Variants in DHX57 observed in about 807,000 individuals in gnomAD.
DHX57 encodes DExH-box helicase 57.
A neutral mutation model predicts 156.2 loss-of-function variants in DHX57; 105 were observed. The observed-to-expected ratio is 0.67, with a 90% CI of 0.57 to 0.79. The LOEUF is 0.79. Ranked by LOEUF, DHX57 falls within the 30% of genes least tolerant of loss-of-function variation. DHX57 has a pLI of 0.00. For synonymous variants in DHX57, 704 were observed against 595.6 expected (o/e 1.18, Z -2.65); for missense variants, 1,847 against 1,661.9 (o/e 1.11, Z -1.94).
chr2:38,842,399 A>C (rs1672054013), intron 12 of DHX57, among the ~76,000 whole-genome samples: 1 of 152,220 alleles, frequency 6.6e-6, no homozygotes, highest in Non-Finnish European at 1.5e-5. Context: ...ATAATTGTTC[A>C]AGCCTGAGTA....
At chr2:38,832,242 C>G (rs1023575845) in intron 13 of DHX57, among the ~76,000 whole-genome samples, 3 of 151,994 alleles carry the variant, frequency 2.0e-5, no homozygotes, top group Non-Finnish European at 4.4e-5. Flanking sequence ...GAATTCAATA[C>G]CAGCTTGGCC....
intron 2 of DHX57, 132 bp from the exon 3 acceptor site, chr2:38,863,651 G>T: frequency 1.2e-6 from 1 of 814,974 alleles, no homozygotes. Flanking sequence ...CAATGAATGT[G>T]AGGAGATTCT....
In DHX57 at chr2:38,861,598, A is replaced by C; in HGVS notation, c.812T>G (p.Val271Gly). ...CTCCAGTTCTAACCCAATGGTCCAG[A>C]CTCTGTTCTGAATTCTTTCTATAAA... Reference protein sequence around the residue: ...EKFIERIQNRVWTIGLELEYL... With the variant: ...EKFIERIQNRGWTIGLELEYL... The change falls in exon 5 of 24, where the codon GTC (valine) becomes GGC (glycine). Residue 271 changes from valine (V) to glycine (G), a missense_variant. Val to Gly is a moderately radical substitution (Grantham distance 109). Coordinates refer to ENST00000457308, the MANE Select transcript of DHX57 (RefSeq NM_198963.3). The C allele has an allele frequency of 6.2e-7, 1 of 1,614,082 alleles. No individual in the cohort carries two copies. The highest frequency in any genetic ancestry group is 2.2e-5 in the East Asian group (1 of 44,876).
chr2:38,822,429 C>T (rs1348047437), intron 17 of DHX57, among the ~76,000 whole-genome samples: 3 of 151,456 alleles, frequency 2.0e-5, no homozygotes, highest in African/African-American at 7.3e-5. Flanking sequence ...CGGAGCCTTG[C>T]TCTGTCGCCA....
chr2:38,823,245 A>C lies in DHX57; in HGVS notation c.3039T>G (p.Ser1013Arg). 6.2e-7 allele frequency: 1 copy of C among 1,612,760 alleles called. No individual in the cohort carries two copies. Among genetic ancestry groups the C allele is most frequent in the Non-Finnish European group, 8.5e-7 (1 of 1,179,130 alleles). The stretch of plus-strand genomic sequence containing the variant: ...AGAACACAGACTGGAGATTATGAGC[A>C]CTAAACATCTCTAAAATTTTAATTC... ...CLRIKILEMF[S>R]AHNLQSVFSR... Residue 1013 changes from serine to arginine, a missense_variant, in exon 17 of 24, where the codon AGT (serine) becomes AGG (arginine). Transcript: ENST00000457308.
At chr2:38,872,702 C>T (rs998405192) in intron 1 of DHX57, among the ~76,000 whole-genome samples, 2 of 152,126 alleles carry the variant, frequency 1.3e-5, no homozygotes, top group Admixed American at 6.5e-5. Flanking sequence ...ACATATGTAC[C>T]TAATAATAAG....
Position 38,825,843 on chromosome 2 carries a change from T to A in DHX57, c.3014+4A>T. 1 of 1,614,128 alleles carries A rather than the reference T, an allele frequency of 6.2e-7. No homozygotes were observed. The highest frequency in any genetic ancestry group is 1.1e-5 in the South Asian group (1 of 91,074). On this transcript the variant is annotated splice_donor_region_variant and intron_variant, in intron 16 of 23. Transcript: ENST00000457308. ...GAAGCAAAACACAAAAAACCAGATG[T>A]CACCTTAGACACAGCTGTTCCAATG...
Position 38,825,972 on chromosome 2 carries a change from G to T in DHX57, c.2889C>A (p.Gly963=), listed in dbSNP as rs61757606. Reference sequence around the variant, plus strand: ...CCCCAGATGCAACACGGCCTGCTCGGCCTTTCCTTTGTAGAGCATTAGCTT... The same window carrying T: ...CCCCAGATGCAACACGGCCTGCTCGTCCTTTCCTTTGTAGAGCATTAGCTT... ...VSQANALQRK[G]RAGRVASGVC... The change falls in exon 16 of 24, where the codon GGC becomes GGA. Residue 963 remains glycine (G), a synonymous_variant. Coordinates refer to ENST00000457308, the MANE Select transcript of DHX57 (RefSeq NM_198963.3). 118 of 1,614,172 alleles carry T rather than the reference G, an allele frequency of 7.3e-5. No individual in the cohort carries two copies. Among genetic ancestry groups the T allele is most frequent in the Non-Finnish European group, 9.7e-5 (115 of 1,180,024 alleles).
chr2:38,818,286 G>A (rs540599651), intron 19 of DHX57, among the ~76,000 whole-genome samples: 5 of 152,146 alleles, frequency 3.3e-5, no homozygotes, highest in African/African-American at 1.2e-4. Context: ...CAGCACTTTG[G>A]GTGGCCAAGG....
chr2:38,845,239 A>G (rs1371509935), intron 11 of DHX57, among the ~76,000 whole-genome samples: 2 of 152,018 alleles, frequency 1.3e-5, no homozygotes, highest in African/African-American at 4.8e-5. Context: ...ATATATATAT[A>G]TTCTGGAAGC....
intron 19 of DHX57, chr2:38,816,194 AG>A (rs761503111): frequency 9.6e-5 from 45 of 470,478 alleles, no homozygotes; most frequent in Non-Finnish European, 1.6e-4. Context: ...TCCTAGGAAT[AG>A]GGACATCATT....
chr2:38,813,800 C>G, intron 21 of DHX57, 21 bp downstream of exon 21: 3 of 1,612,716 alleles, frequency 1.9e-6, no homozygotes, highest in Non-Finnish European at 2.5e-6. Context: ...ATGGAAAGAT[C>G]TAGGAAAAAT....
intron 21 of DHX57, among the ~76,000 whole-genome samples, chr2:38,810,173 A>T (rs1035225731): frequency 6.8e-6 from 1 of 147,758 alleles, no homozygotes; most frequent in African/African-American, 2.5e-5. Flanking sequence ...GGGATTACAG[A>T]CGTGAGCCAC....
At chr2:38,833,454 A>G (rs1383668154) in intron 13 of DHX57, among the ~76,000 whole-genome samples, 1 of 151,930 alleles carries the variant, frequency 6.6e-6, no homozygotes, top group African/African-American at 2.4e-5. Context: ...ATTTTTAGAT[A>G]TTAGGATAGA....
At position 38,827,508 on chromosome 2, in the gene DHX57, AT is replaced by A. The variant is rs1671156223; in HGVS notation, c.2640-820del. On this transcript the variant is annotated intron_variant, in intron 14 of 23. Transcript: ENST00000457308. ...CTCAAAAAAAAAAAAAAAAAAAAATATATATATATATATATATATATATATA... is the reference window on the plus strand; with the variant it reads ...CTCAAAAAAAAAAAAAAAAAAAAATAATATATATATATATATATATATATA... Among the ~76,000 whole-genome samples, 10 of 9,530 alleles carry A rather than the reference AT, an allele frequency of 1.0e-3. No individual in the cohort carries two copies. In the East Asian group the frequency reaches 0.25, roughly 238 times the overall value. 6.3% of individuals were successfully genotyped at this position (9,530 alleles called of 152,430 possible).
In DHX57 at chr2:38,862,239, C is replaced by T. The variant is rs778778622; in HGVS notation, c.478G>A (p.Asp160Asn). 1.7e-5 allele frequency: 27 copies of T among 1,613,780 alleles called. No individual in the cohort carries two copies. The highest frequency in any genetic ancestry group is 1.6e-4 in the Middle Eastern group (1 of 6,082). Reference sequence around the variant, plus strand: ...CCAGCATATTCCAAAGGATCCAAGTCGGGAACGAGGGAAGGTTCCTGTCCA... The same window carrying T: ...CCAGCATATTCCAAAGGATCCAAGTTGGGAACGAGGGAAGGTTCCTGTCCA... Reference protein sequence around the residue: ...PAGQEPSLVPDLDPLEYAGLA... With the variant: ...PAGQEPSLVPNLDPLEYAGLA... The change falls in exon 4 of 24, where the codon GAC (aspartate) becomes AAC (asparagine). Residue 160 changes from aspartate (D) to asparagine (N), a missense_variant. By Grantham distance (23) the Asp-to-Asn change is conservative. Transcript: ENST00000457308.
intron 19 of DHX57, among the ~76,000 whole-genome samples, chr2:38,817,793 G>T (rs1395750792): frequency 6.6e-6 from 1 of 152,200 alleles, no homozygotes; most frequent in East Asian, 1.9e-4. Context: ...GACCTCCCAG[G>T]CTCAAGTGAT....
Position 38,815,606 on chromosome 2 carries a change from C to T in DHX57, c.3521G>A (p.Gly1174Glu), listed in dbSNP as rs1049288133. 4.3e-6 allele frequency: 7 copies of T among 1,614,118 alleles called. No individual in the cohort carries two copies. The highest frequency in any genetic ancestry group is 5.9e-6 in the Non-Finnish European group (7 of 1,180,036). ...TGCTCTGAGCCCTTCCCTTGCAAACCCTATATCCGATAACAGTTCCGTGAA... is the reference window on the plus strand; with the variant it reads ...TGCTCTGAGCCCTTCCCTTGCAAACTCTATATCCGATAACAGTTCCGTGAA... ...RQFTELLSDIGFAREGLRARE... is the reference protein window; with the variant it reads ...RQFTELLSDIEFAREGLRARE... Residue 1174 changes from glycine to glutamate, a missense_variant, in exon 20 of 24, where the codon GGG becomes GAG. By Grantham distance (98) the Gly-to-Glu change is moderately conservative (BLOSUM62 -2). Transcript: ENST00000457308.
intron 19 of DHX57, chr2:38,816,237 CAG>C (rs1425037979): frequency 3.2e-5 from 15 of 465,096 alleles, no homozygotes; most frequent in Non-Finnish European, 5.7e-5. Context: ...TTTTTTGAGA[CAG>C]AGTCTTGCTC....
Sources: allele counts gnomAD v4.1 joint callset (sites outside exome capture counted in the v4.1 genomes callset), GRCh38; gene constraint gnomAD v4.1.1; transcripts MANE v1.5; gene names NCBI Gene and HGNC (gene_info 2026-07-23, HGNC 2026-07-21).